The following KIF18A variants were observed in gnomAD, a reference collection of about 807,000 sequenced individuals.
KIF18A encodes kinesin-like protein KIF18A.
KIF18A carries 67 observed loss-of-function variants against 103.3 expected under a neutral mutation model. That is an observed-to-expected ratio of 0.65 (90% CI 0.53 to 0.79). KIF18A has a LOEUF of 0.79. Ranked by LOEUF, KIF18A falls within the 30% of genes least tolerant of loss-of-function variation. KIF18A has a pLI of 0.00. For synonymous variants in KIF18A, 367 were observed against 355.5 expected, an observed-to-expected ratio of 1.03 and a Z score of -0.36; for missense variants, 1,032 against 1,062.5, an observed-to-expected ratio of 0.97 and a Z score of 0.40.
At chr11:28,022,545 G>T (rs1450926970) in intron 16 of KIF18A, among the ~76,000 whole-genome samples, 1 of 152,148 alleles carries the variant, frequency 6.6e-6, no homozygotes, top group Non-Finnish European at 1.5e-5. Context: ...GGGATTACAG[G>T]CGTGAGCCAC....
chr11:28,021,328 T>A (rs1850240541), intron 16 of KIF18A, 46 bp from the exon 17 acceptor site: 1 of 1,263,252 alleles, frequency 7.9e-7, no homozygotes, highest in Middle Eastern at 2.8e-4. Context: ...TAAATATCAT[T>A]CAAAAAGTTT....
At chr11:28,069,826 T>C (rs1169162496) in intron 10 of KIF18A, among the ~76,000 whole-genome samples, 1 of 152,104 alleles carries the variant, frequency 6.6e-6, no homozygotes, top group East Asian at 1.9e-4. Context: ...GTCTTTGATG[T>C]GAAGAAATAA....
At chr11:28,050,886 CTATTT>C (rs1850703601) in intron 13 of KIF18A, among the ~76,000 whole-genome samples, 1 of 151,674 alleles carries the variant, frequency 6.6e-6, no homozygotes. Context: ...AAAATCAAGT[CTATTT>C]ATTAGAAAAT....
At chr11:28,027,409 G>A (rs1041627088) in intron 15 of KIF18A, among the ~76,000 whole-genome samples, 1 of 151,174 alleles carries the variant, frequency 6.6e-6, no homozygotes, top group Non-Finnish European at 1.5e-5. Flanking sequence ...ATATTAACCC[G>A]GCTTTTGGTT....
intron 15 of KIF18A, among the ~76,000 whole-genome samples, chr11:28,028,818 T>C (rs188806673): frequency 0.016 from 2,381 of 151,868 alleles, 30 homozygotes; most frequent in Middle Eastern, 0.024. Context: ...AAGAATCAAA[T>C]AGACACAATA....
chr11:28,028,560 C>A (rs1241734469), intron 15 of KIF18A, among the ~76,000 whole-genome samples: 1 of 151,772 alleles, frequency 6.6e-6, no homozygotes, highest in Non-Finnish European at 1.5e-5. Context: ...GCAGTAAATG[C>A]CCACAAGAGA....
At chr11:28,090,927 C>T (rs1280939022) in intron 4 of KIF18A, among the ~76,000 whole-genome samples, 200 bp from the exon 5 acceptor site, 1 of 151,964 alleles carries the variant, frequency 6.6e-6, no homozygotes, top group Non-Finnish European at 1.5e-5. Flanking sequence ...AATCTAGTTT[C>T]TCAGGAGTGG....
In KIF18A at chr11:28,062,429, A is replaced by G; in HGVS notation, c.1678T>C (p.Cys560Arg). ...TGCCTGTGTTGCTGTTCCTGAAGAC[A>G]AGCTAGATCCATCATATGTCTAATT... The part of the protein sequence containing the change: ...AQIRHMMDLA[C>R]LQEQQHRQTE... The change falls in exon 12 of 17, where the codon TGT (cysteine) becomes CGT (arginine). Residue 560 changes from cysteine to arginine, a missense_variant. By Grantham distance (180) the Cys-to-Arg change is radical (BLOSUM62 -3). Transcript: ENST00000263181. The G allele has an allele frequency of 1.9e-6, 3 of 1,611,622 alleles. No individual in the cohort carries two copies. The highest frequency in any genetic ancestry group is 2.5e-6 in the Non-Finnish European group (3 of 1,178,544).
intron 9 of KIF18A, among the ~76,000 whole-genome samples, chr11:28,078,406 T>A (rs2133548439): frequency 6.6e-6 from 1 of 152,310 alleles, no homozygotes; most frequent in Admixed American, 6.5e-5. Context: ...AGTTTTTCTA[T>A]AACTTTTTAT....
chr11:28,062,096 T>C (rs1850862030), intron 12 of KIF18A, among the ~76,000 whole-genome samples: 1 of 152,124 alleles, frequency 6.6e-6, no homozygotes, highest in Middle Eastern at 3.2e-3. Context: ...GGCTAGAAGA[T>C]AGAGGTAGAA....
intron 13 of KIF18A, among the ~76,000 whole-genome samples, chr11:28,049,592 G>A (rs992030465): frequency 6.6e-6 from 1 of 151,994 alleles, no homozygotes; most frequent in Non-Finnish European, 1.5e-5. Flanking sequence ...TCTAATTGAG[G>A]TTTGGTACAA....
intron 1 of KIF18A, among the ~76,000 whole-genome samples, chr11:28,102,024 A>C (rs1851451710): frequency 6.6e-6 from 1 of 152,168 alleles, no homozygotes; most frequent in Non-Finnish European, 1.5e-5. Flanking sequence ...AAAAATATTT[A>C]ACACCCAAAA....
chr11:28,089,447 T>C (rs1851272943), intron 5 of KIF18A, among the ~76,000 whole-genome samples: 1 of 152,192 alleles, frequency 6.6e-6, no homozygotes, highest in African/African-American at 2.4e-5. Flanking sequence ...ACACAGTCAT[T>C]TATTACCAAG....
At chr11:28,098,130 T>A (rs1350040862) in intron 1 of KIF18A, 137 bp from the exon 2 acceptor site, 2 of 532,254 alleles carry the variant, frequency 3.8e-6, no homozygotes, top group Admixed American at 7.4e-5. Context: ...GAAAAATACA[T>A]ACATACGTAG....
At chr11:28,088,048 A>T (rs1851253598) in intron 6 of KIF18A, among the ~76,000 whole-genome samples, 1 of 152,084 alleles carries the variant, frequency 6.6e-6, no homozygotes, top group Non-Finnish European at 1.5e-5. Context: ...TTACCTTATT[A>T]GGTGATTTCA....
chr11:28,063,429 C>A lies in KIF18A; in HGVS notation c.1591-913G>T, dbSNP rs1303499192. Reference sequence around the variant, plus strand: ...TTGAATCTTTCTTCTTTTAAAGAGACAAGACTTGAGACCCACTCTTGATAT... The same window carrying A: ...TTGAATCTTTCTTCTTTTAAAGAGAAAAGACTTGAGACCCACTCTTGATAT... On this transcript the variant is annotated intron_variant, in intron 11 of 16. Transcript: ENST00000263181. Among the ~76,000 whole-genome samples the A allele has an allele frequency of 2.0e-5, 3 of 151,964 alleles. No individual in the cohort carries two copies. In the South Asian group the frequency reaches 6.2e-4, roughly 32 times the overall value.
intron 13 of KIF18A, among the ~76,000 whole-genome samples, chr11:28,043,159 A>G (rs1015183241): frequency 1.6e-4 from 25 of 151,912 alleles, no homozygotes; most frequent in Non-Finnish European, 1.6e-4. Flanking sequence ...GTCCTGGCTC[A>G]GTTGTTTCAG....
intron 1 of KIF18A, among the ~76,000 whole-genome samples, chr11:28,106,844 G>T (rs111536665): frequency 6.6e-6 from 1 of 151,998 alleles, no homozygotes; most frequent in African/African-American, 2.4e-5. Flanking sequence ...GGTGGCAAAC[G>T]CCTGTAATCC....
chr11:28,030,191 A>G (rs1223853976), intron 15 of KIF18A, among the ~76,000 whole-genome samples: 1 of 144,196 alleles, frequency 6.9e-6, no homozygotes, highest in Non-Finnish European at 1.5e-5. Context: ...TTTAAAGTTC[A>G]TATGGAACCA....
Sources: gnomAD v4.1 joint callset for allele counts (sites outside exome capture counted in the v4.1 genomes callset) on GRCh38, gnomAD v4.1.1 for gene constraint, MANE v1.5 for transcripts, NCBI Gene and HGNC (gene_info 2026-07-23, HGNC 2026-07-21) for gene names.